Variants in SLC35F1 observed in about 807,000 individuals in gnomAD.
SLC35F1 encodes solute carrier family 35 member F1.
In SLC35F1, 14 loss-of-function variants were observed where a neutral mutation model predicts 48.7. That is an observed-to-expected ratio of 0.29 (90% CI 0.19 to 0.45). The LOEUF (loss-of-function observed/expected upper bound fraction) is 0.45, where lower values mean the gene tolerates loss of function less well. Among genes scored for constraint, SLC35F1 ranks in the 20% least tolerant of loss-of-function variants. The pLI, the probability that SLC35F1 is intolerant of heterozygous loss-of-function variation, is 1.00. For missense variants in SLC35F1, 404 were observed against 500.0 expected (o/e 0.81, Z 1.83); for synonymous variants, 190 against 202.2 (o/e 0.94, Z 0.51).
intron 4 of SLC35F1, among the ~76,000 whole-genome samples, chr6:118,272,750 C>CATATAT (rs71554898): frequency 9.8e-5 from 12 of 122,590 alleles, no homozygotes; most frequent in African/African-American, 3.5e-4. Context: ...TATATATATA[C>CATATAT]ATATATATAT....
chr6:118,134,247 T>G (rs1456313058), intron 1 of SLC35F1, among the ~76,000 whole-genome samples: 1 of 152,236 alleles, frequency 6.6e-6, no homozygotes, highest in Non-Finnish European at 1.5e-5. Context: ...GAAGAGTGCC[T>G]TGTTGGACAA....
intron 1 of SLC35F1, among the ~76,000 whole-genome samples, chr6:117,923,506 T>TAAAC (rs142191100): frequency 6.9e-6 from 1 of 144,146 alleles, no homozygotes; most frequent in African/African-American, 2.5e-5. Flanking sequence ...AATATATATA[T>TAAAC]ACACATACAT....
chr6:118,236,104 T>G (rs928245414), intron 3 of SLC35F1, among the ~76,000 whole-genome samples: 1 of 152,238 alleles, frequency 6.6e-6, no homozygotes, highest in African/African-American at 2.4e-5. Flanking sequence ...CTTTTAGCTT[T>G]TTTAATGTGT....
chr6:118,105,693 T>G (rs532888213), intron 1 of SLC35F1, among the ~76,000 whole-genome samples: 2 of 152,336 alleles, frequency 1.3e-5, no homozygotes, highest in Admixed American at 6.5e-5. Context: ...TTCATCACAC[T>G]CTTCAGATAA....
rs149142131 is a variant in SLC35F1, at chr6:118,285,203, T to C, written c.867T>C (p.Phe289=). 61 of 1,613,804 alleles carry C rather than the reference T, an allele frequency of 3.8e-5. 1 individual carries two copies. The African/African-American group carries it at 5.7e-4, about 15-fold the overall frequency. ...CCCCAGGACTGCTCTACGTTGGCTT[T>C]AGTGCCTGCATGTTTGGTCTCTACA... The part of the protein sequence containing the change: ...DWQIGLLYVG[F]SACMFGLYSF... The change falls in exon 7 of 8, where the codon TTT becomes TTC. Residue 289 remains phenylalanine, a synonymous_variant. Transcript: ENST00000360388.
intron 2 of SLC35F1, among the ~76,000 whole-genome samples, chr6:118,183,003 A>G (rs974670090): frequency 1.3e-5 from 2 of 152,184 alleles, no homozygotes; most frequent in African/African-American, 4.8e-5. Context: ...GTTTTTCGAA[A>G]TGTGCACCCT....
intron 1 of SLC35F1, among the ~76,000 whole-genome samples, chr6:118,112,126 CTTTTCTTTTCTTTTCTTTTT>C: frequency 1.0e-5 from 1 of 98,564 alleles, no homozygotes; most frequent in Admixed American, 1.3e-4. Context: ...CTTTTCTTTT[CTTTTCTTTTCTTTTCTTTTT>C]TGAGACGGTG....
intron 2 of SLC35F1, among the ~76,000 whole-genome samples, chr6:118,186,525 C>T (rs1226379326): frequency 1.3e-5 from 2 of 152,182 alleles, no homozygotes; most frequent in South Asian, 2.1e-4. Context: ...CCTCCCTTCC[C>T]AATCTTTAGT....
At chr6:117,993,972 T>G (rs1414668793) in intron 1 of SLC35F1, among the ~76,000 whole-genome samples, 2 of 152,212 alleles carry the variant, frequency 1.3e-5, no homozygotes, top group African/African-American at 2.4e-5. Flanking sequence ...CTGAGTGGGC[T>G]TAGATGGTTT....
intron 3 of SLC35F1, among the ~76,000 whole-genome samples, chr6:118,254,169 C>T (rs909318419): frequency 6.6e-6 from 1 of 152,158 alleles, no homozygotes; most frequent in Non-Finnish European, 1.5e-5. Flanking sequence ...TGTCCACCTG[C>T]ACCTGGATGT....
chr6:117,924,232 T>C (rs1384016099), intron 1 of SLC35F1, among the ~76,000 whole-genome samples: 4 of 45,080 alleles, frequency 8.9e-5, no homozygotes, highest in Non-Finnish European at 1.6e-4. Context: ...CACATGCATA[T>C]GTATATACAC....
At chr6:117,969,492 A>G (rs1776612393) in intron 1 of SLC35F1, among the ~76,000 whole-genome samples, 1 of 152,224 alleles carries the variant, frequency 6.6e-6, no homozygotes, top group African/African-American at 2.4e-5. Context: ...ACCCAGGCCA[A>G]GGAGGTAGGA....
chr6:118,020,787 G>C (rs1777384188), intron 1 of SLC35F1, among the ~76,000 whole-genome samples: 1 of 152,146 alleles, frequency 6.6e-6, no homozygotes, highest in South Asian at 2.1e-4. Flanking sequence ...GGTTCCCCAA[G>C]GATGGATTAG....
At chr6:117,927,299 C>T (rs1776041220) in intron 1 of SLC35F1, among the ~76,000 whole-genome samples, 1 of 152,170 alleles carries the variant, frequency 6.6e-6, no homozygotes. Flanking sequence ...AGTTGAGATT[C>T]ACATGAAAAT....
At chr6:118,251,971 C>T (rs1562339983) in intron 3 of SLC35F1, among the ~76,000 whole-genome samples, 1 of 151,832 alleles carries the variant, frequency 6.6e-6, no homozygotes, top group Non-Finnish European at 1.5e-5. Context: ...GAAGAGAGTT[C>T]CAAGCAAAGA....
intron 1 of SLC35F1, among the ~76,000 whole-genome samples, chr6:117,998,616 GA>G (rs58502918): frequency 0.23 from 35,147 of 152,074 alleles, 4,184 homozygotes; most frequent in East Asian, 0.3. Context: ...TCAGGATTCA[GA>G]AACTCACTCA....
chr6:118,103,718 G>C (rs1773291417), intron 1 of SLC35F1, among the ~76,000 whole-genome samples: 1 of 152,220 alleles, frequency 6.6e-6, no homozygotes, highest in Non-Finnish European at 1.5e-5. Context: ...GGAAAGAGCG[G>C]ACTTTTGAAA....
At chr6:118,147,612 T>C (rs1429487339) in intron 1 of SLC35F1, among the ~76,000 whole-genome samples, 2 of 152,166 alleles carry the variant, frequency 1.3e-5, no homozygotes, top group Non-Finnish European at 2.9e-5. Context: ...GCTTAGTTAG[T>C]GGAACTCATG....
intron 1 of SLC35F1, among the ~76,000 whole-genome samples, chr6:117,985,773 T>G (rs2114853638): frequency 6.6e-6 from 1 of 152,350 alleles, no homozygotes; most frequent in East Asian, 1.9e-4. Flanking sequence ...CATGTTTTTC[T>G]TAATGTATCT....
Sources: gnomAD v4.1 joint callset for allele counts (sites outside exome capture counted in the v4.1 genomes callset) on GRCh38, gnomAD v4.1.1 for gene constraint, MANE v1.5 for transcripts, NCBI Gene and HGNC (gene_info 2026-07-23, HGNC 2026-07-21) for gene names.